Variants in RAB14 observed in about 807,000 individuals in gnomAD.
RAB14 encodes the protein ras-related protein Rab-14.
In RAB14, 3 loss-of-function variants were observed where a neutral mutation model predicts 31.1. That is an observed-to-expected ratio of 0.10 (90% CI 0.04 to 0.25). RAB14 has a LOEUF of 0.25. Among genes scored for constraint, RAB14 ranks in the 10% least tolerant of loss-of-function variants. The pLI, the probability that RAB14 is intolerant of heterozygous loss-of-function variation, is 1.00. For missense variants in RAB14, 111 were observed against 260.1 expected, an observed-to-expected ratio of 0.43 and a Z score of 3.94; for synonymous variants, 85 against 84.9, an observed-to-expected ratio of 1.00 and a Z score of 0.00.
At position 121,192,284 on chromosome 9, in the gene RAB14, C is replaced by T. The variant is rs7042094; in HGVS notation, c.53-60G>A. ...ACATTTCTCAATTTTATGCAATGAT[C>T]GCTATATTCCTTACCATATAACATA... On this transcript the variant is annotated intron_variant, in intron 2 of 7. Coordinates refer to ENST00000373840, the MANE Select transcript of RAB14 (RefSeq NM_016322.4). 6,884 of 1,272,178 alleles carry T rather than the reference C, an allele frequency of 5.4e-3. 319 individuals are homozygous for T. The African/African-American group carries it at 0.091, about 17-fold the overall frequency. 78.8% of individuals were successfully genotyped at this position (1,272,178 alleles called of 1,614,324 possible). A position where few individuals can be genotyped will look rare whatever the true frequency, so the allele number is the denominator to read the frequency against.
rs2053631907 is a variant in RAB14, at chr9:121,181,319, A to C, written c.*77T>G. 2 of 1,357,920 alleles carry C rather than the reference A, an allele frequency of 1.5e-6. No homozygotes were observed. Among genetic ancestry groups the C allele is most frequent in the Admixed American group, 2.3e-5 (1 of 43,188 alleles). The allele number at this position is 1,357,920 out of a possible 1,614,324, so 84.1% of individuals were successfully genotyped here. A position where few individuals can be genotyped will look rare whatever the true frequency, so the allele number is the denominator to read the frequency against. On this transcript the variant is annotated 3_prime_UTR_variant, in exon 8 of 8. Transcript: ENST00000373840. ...TTAAACCCAGTAAGATGTACAGAAGACAATGAGGCAGTAAAAAGTACTGCT... is the reference window on the plus strand; with the variant it reads ...TTAAACCCAGTAAGATGTACAGAAGCCAATGAGGCAGTAAAAAGTACTGCT...
intron 1 of RAB14, among the ~76,000 whole-genome samples, chr9:121,194,094 T>TCACACACACACACA (rs56303323): frequency 2.9e-5 from 4 of 139,028 alleles, no homozygotes; most frequent in Admixed American, 6.9e-5. Flanking sequence ...AGATTATCAC[T>TCACACACACACACA]CACACACACA....
intron 3 of RAB14, among the ~76,000 whole-genome samples, chr9:121,191,886 G>A (rs1388276387): frequency 2.6e-5 from 4 of 152,106 alleles, no homozygotes; most frequent in Middle Eastern, 3.4e-3. Context: ...GTAACAGAAA[G>A]TCAGAGAATA....
chr9:121,190,213 G>A (rs1226892874), intron 4 of RAB14, among the ~76,000 whole-genome samples: 1 of 152,028 alleles, frequency 6.6e-6, no homozygotes, highest in African/African-American at 2.4e-5. Flanking sequence ...AATAGAGTAA[G>A]TCCCAAGAGT....
intron 1 of RAB14, among the ~76,000 whole-genome samples, chr9:121,197,201 T>C (rs571174174): frequency 7.2e-5 from 11 of 152,292 alleles, no homozygotes; most frequent in African/African-American, 2.6e-4. Context: ...ATTTACTAAA[T>C]GCATAGTAAA....
chr9:121,178,353 C>A lies in RAB14; in HGVS notation c.*3043G>T, dbSNP rs2053609290. ...AATGCTAAAAGGCCTGGCCTAGTCA[C>A]AATTACTGACATCCTTCTGGGACAC... On this transcript the variant is annotated 3_prime_UTR_variant, in exon 8 of 8. Coordinates refer to ENST00000373840, the MANE Select transcript of RAB14 (RefSeq NM_016322.4). 2 of 152,462 alleles carry A rather than the reference C, an allele frequency of 1.3e-5. No homozygotes were observed. Among genetic ancestry groups the A allele is most frequent in the Admixed American group, 6.5e-5 (1 of 15,274 alleles). 9.4% of individuals were successfully genotyped at this position (152,462 alleles called of 1,614,324 possible). A position where few individuals can be genotyped will look rare whatever the true frequency, so the allele number is the denominator to read the frequency against.
At chr9:121,200,609 G>A (rs2053758688) in intron 1 of RAB14, among the ~76,000 whole-genome samples, 1 of 152,218 alleles carries the variant, frequency 6.6e-6, no homozygotes, top group East Asian at 1.9e-4. Context: ...GTAATCAGCT[G>A]TCATCCAATG....
At chr9:121,198,778 A>AC (rs1333838846) in intron 1 of RAB14, among the ~76,000 whole-genome samples, 1 of 152,230 alleles carries the variant, frequency 6.6e-6, no homozygotes, top group Non-Finnish European at 1.5e-5. Flanking sequence ...GAACTCAACA[A>AC]CAGAAGCATG....
In RAB14 at chr9:121,178,588, G is replaced by A. The variant is rs571535997; in HGVS notation, c.*2808C>T. On this transcript the variant is annotated 3_prime_UTR_variant, in exon 8 of 8. Transcript: ENST00000373840. ...AGTTCCCCAAAACTACTGTCTTACC[G>A]AATTTGAGAAGGGAGGTAATGTATG... 5 of 152,612 alleles carry A rather than the reference G, an allele frequency of 3.3e-5. No homozygotes were observed. Among genetic ancestry groups the A allele is most frequent in the South Asian group, 4.1e-4 (2 of 4,820 alleles). 9.5% of individuals were successfully genotyped at this position (152,612 alleles called of 1,614,324 possible). A position where few individuals can be genotyped will look rare whatever the true frequency, so the allele number is the denominator to read the frequency against.
intron 7 of RAB14, among the ~76,000 whole-genome samples, chr9:121,182,567 T>G (rs1376264365): frequency 6.6e-6 from 1 of 152,210 alleles, no homozygotes; most frequent in Non-Finnish European, 1.5e-5. Flanking sequence ...ATCAGAAGTA[T>G]TACAGGAAGA....
Position 121,194,090 on chromosome 9 carries a change from TCACTCACACA to T in RAB14, c.-7-681_-7-672del, listed in dbSNP as rs1478294362. ...AACCTAATACAGGACTTGCAGATTATCACTCACACACACACACACACACACACACACACAC... is the reference window on the plus strand; with the variant it reads ...AACCTAATACAGGACTTGCAGATTATCACACACACACACACACACACACAC... On this transcript the variant is annotated intron_variant, in intron 1 of 7. Transcript: ENST00000373840. Among the ~76,000 whole-genome samples, 9 of 141,400 alleles carry T rather than the reference TCACTCACACA, an allele frequency of 6.4e-5. No individual in the cohort carries two copies. The East Asian group carries it at 8.4e-4, about 13-fold the overall frequency. 92.8% of individuals were successfully genotyped at this position (141,400 alleles called of 152,430 possible).
intron 1 of RAB14, 39 bp downstream of exon 1, chr9:121,201,600 G>A (rs1158117141): frequency 6.6e-6 from 1 of 152,348 alleles, no homozygotes; most frequent in Non-Finnish European, 1.5e-5. Flanking sequence ...GGCGCGAGGA[G>A]GTATCAGCCG....
chr9:121,183,118 ATT>A (rs2053642118), intron 6 of RAB14, among the ~76,000 whole-genome samples, 158 bp from the exon 7 acceptor site: 1 of 152,136 alleles, frequency 6.6e-6, no homozygotes, highest in Admixed American at 6.5e-5. Context: ...GCATCTTTAT[ATT>A]TGTCACTAAA....
At chr9:121,193,612 A>T (rs111350968) in intron 1 of RAB14, among the ~76,000 whole-genome samples, 193 bp from the exon 2 acceptor site, 4 of 152,192 alleles carry the variant, frequency 2.6e-5, no homozygotes, top group African/African-American at 9.7e-5. Context: ...ATGCTTACAC[A>T]TTCTCATGTG....
At chr9:121,182,726 A>C (rs2053639827) in intron 7 of RAB14, among the ~76,000 whole-genome samples, 1 of 152,234 alleles carries the variant, frequency 6.6e-6, no homozygotes. Context: ...ATCAAGGTAC[A>C]ATCTTTTAAG....
chr9:121,187,516 C>T (rs907871720), intron 4 of RAB14, among the ~76,000 whole-genome samples: 1 of 152,020 alleles, frequency 6.6e-6, no homozygotes, highest in Non-Finnish European at 1.5e-5. Flanking sequence ...TTCACCTTTC[C>T]TTAATAATTT....
intron 1 of RAB14, among the ~76,000 whole-genome samples, chr9:121,200,345 A>G (rs2053754025): frequency 6.6e-6 from 1 of 152,230 alleles, no homozygotes; most frequent in South Asian, 2.1e-4. Context: ...TTCCTCTACA[A>G]TATTTACCTT....
chr9:121,197,454 TTC>T (rs1261289854), intron 1 of RAB14, among the ~76,000 whole-genome samples: 2 of 152,196 alleles, frequency 1.3e-5, no homozygotes, highest in Non-Finnish European at 2.9e-5. Flanking sequence ...TTCTGCATAT[TTC>T]TTTTACTCAA....
chr9:121,187,486 T>G (rs983485682), intron 4 of RAB14, among the ~76,000 whole-genome samples: 6 of 152,118 alleles, frequency 3.9e-5, no homozygotes, highest in Non-Finnish European at 8.8e-5. Context: ...CAAGTCACAC[T>G]ATTATAAGCT....
Sources: gnomAD v4.1 joint callset for allele counts (sites outside exome capture counted in the v4.1 genomes callset) on GRCh38, gnomAD v4.1.1 for gene constraint, MANE v1.5 for transcripts, NCBI Gene and HGNC (gene_info 2026-07-23, HGNC 2026-07-21) for gene names.